EYS: variants seen among roughly 807,000 people sequenced by gnomAD.
EYS encodes EGF-like photoreceptor maintenance factor.
A neutral mutation model predicts 282.1 loss-of-function variants in EYS; 250 were observed. The observed-to-expected ratio is 0.89, with a 90% CI of 0.80 to 0.98. The LOEUF (loss-of-function observed/expected upper bound fraction) is 0.98. EYS is among the 50% of genes least tolerant of loss of function. The pLI is 0.00. For missense variants in EYS, 4,016 were observed against 3,709.0 expected (o/e 1.08, Z -2.15); for synonymous variants, 1,355 against 1,282.9 (o/e 1.06, Z -1.20).
At chr6:65,611,248 G>A (rs1765988638) in intron 2 of EYS, among the ~76,000 whole-genome samples, 1 of 150,464 alleles carries the variant, frequency 6.6e-6, no homozygotes, top group South Asian at 2.1e-4. Flanking sequence ...CACTGATTAT[G>A]ATGAAGAACT....
At chr6:65,572,638 G>A (rs933758276) in intron 2 of EYS, among the ~76,000 whole-genome samples, 1 of 152,080 alleles carries the variant, frequency 6.6e-6, no homozygotes. Flanking sequence ...AGCAACAGGC[G>A]ATACCATGTA....
rs114199343 is a variant in EYS at position 64,693,723 on chromosome 6, G to T, written c.3444-67478C>A. ...TCTTGAGGGTTGGGAACGTTCTTAGGTCACAAATAGCGTAGCCATTAATTT... is the reference window on the plus strand; with the variant it reads ...TCTTGAGGGTTGGGAACGTTCTTAGTTCACAAATAGCGTAGCCATTAATTT... On this transcript the variant is annotated intron_variant, in intron 22 of 42. Coordinates refer to ENST00000503581, the MANE Select transcript of EYS (RefSeq NM_001142800.2). 7.0e-3 allele frequency among the ~76,000 whole-genome samples: 1,059 copies of T among 152,086 alleles called. 4 individuals carry two copies. The highest frequency in any genetic ancestry group is 9.3e-3 in the Non-Finnish European group (629 of 67,990).
intron 22 of EYS, among the ~76,000 whole-genome samples, chr6:64,764,617 T>C (rs1327617150): frequency 6.6e-6 from 1 of 152,238 alleles, no homozygotes; most frequent in Non-Finnish European, 1.5e-5. Context: ...TTTGCCCATC[T>C]TTACTTATGC....
rs1554157087 is a variant in EYS, at chr6:65,123,758, C to CACACACACACA, written c.2024-66032_2024-66031insTGTGTGTGTGT. Among the ~76,000 whole-genome samples the CACACACACACA allele has an allele frequency of 5.4e-5, 8 of 147,098 alleles. No individual in the cohort carries two copies. The East Asian group carries it at 8.0e-4, about 15-fold the overall frequency. On this transcript the variant is annotated intron_variant, in intron 12 of 42. Coordinates refer to ENST00000503581, the MANE Select transcript of EYS (RefSeq NM_001142800.2). ...CAGCTGACTTATAACACCCACCCAC[C>CACACACACACA]CACACACACACACACACACACACAC...
At chr6:64,210,671 A>T (rs1371419187) in intron 31 of EYS, among the ~76,000 whole-genome samples, 1 of 152,186 alleles carries the variant, frequency 6.6e-6, no homozygotes, top group Non-Finnish European at 1.5e-5. Flanking sequence ...TTCAAGATTG[A>T]TATTTCATAT....
chr6:65,394,273 T>C (rs1766178918), intron 7 of EYS, among the ~76,000 whole-genome samples: 1 of 152,040 alleles, frequency 6.6e-6, no homozygotes, highest in South Asian at 2.1e-4. Flanking sequence ...ATTAATAATG[T>C]AGTTCATGAT....
intron 40 of EYS, among the ~76,000 whole-genome samples, chr6:63,766,512 C>T (rs1769792257): frequency 6.6e-6 from 1 of 151,986 alleles, no homozygotes; most frequent in African/African-American, 2.4e-5. Context: ...AGGAAAATTG[C>T]TGTGGGGATG....
chr6:64,334,063 A>G (rs913312182), intron 29 of EYS, among the ~76,000 whole-genome samples: 2 of 152,232 alleles, frequency 1.3e-5, no homozygotes, highest in Non-Finnish European at 2.9e-5. Flanking sequence ...GGTAGGGGAA[A>G]CAACTTGCCT....
At chr6:65,201,720 T>C (rs1329773923) in intron 12 of EYS, among the ~76,000 whole-genome samples, 1 of 152,150 alleles carries the variant, frequency 6.6e-6, no homozygotes, top group Non-Finnish European at 1.5e-5. Context: ...CTATAACTAT[T>C]TCAAAGCAAT....
At chr6:64,055,038 C>A (rs890895792) in intron 33 of EYS, among the ~76,000 whole-genome samples, 6 of 152,158 alleles carry the variant, frequency 3.9e-5, no homozygotes, top group African/African-American at 1.4e-4. Context: ...AACAGATCTG[C>A]TTACTGTAGT....
At chr6:64,184,493 C>T (rs550626598) in intron 31 of EYS, among the ~76,000 whole-genome samples, 49 of 152,238 alleles carry the variant, frequency 3.2e-4, no homozygotes, top group African/African-American at 1.1e-3. Flanking sequence ...CTGAGCTCCT[C>T]CATAAAGCCA....
At chr6:63,734,659 CTA>C (rs1768865371) in intron 41 of EYS, among the ~76,000 whole-genome samples, 1 of 152,104 alleles carries the variant, frequency 6.6e-6, no homozygotes. Context: ...TCAAGGGTAA[CTA>C]TGGGGTTTTT....
Position 63,724,413 on chromosome 6 carries a change from T to C in EYS, c.8233+2106A>G, listed in dbSNP as rs535110734. Among the ~76,000 whole-genome samples, 15 of 141,340 alleles carry C rather than the reference T, an allele frequency of 1.1e-4. No homozygotes were observed. The South Asian group carries it at 3.1e-3, about 29-fold the overall frequency. 92.7% of individuals were successfully genotyped at this position (141,340 alleles called of 152,430 possible). A position where few individuals can be genotyped will look rare whatever the true frequency, so the allele number is the denominator to read the frequency against. Reference sequence around the variant, plus strand: ...AAAGGAAAGCAATGGTAATTTAAACTTATTTATATATTTTTAATATAGTTT... The same window carrying C: ...AAAGGAAAGCAATGGTAATTTAAACCTATTTATATATTTTTAATATAGTTT... On this transcript the variant is annotated intron_variant, in intron 42 of 42. Transcript: ENST00000503581.
In EYS at chr6:65,690,471, G is replaced by A. The variant is rs931714525; in HGVS notation, c.-448+16664C>T. ...GAGCTATGAACATCTGCTTTTCTGG[G>A]ATAGGAATCTTGGTGATGTGAAACC... On this transcript the variant is annotated intron_variant, in intron 1 of 42. Transcript: ENST00000503581. 6.9e-4 allele frequency among the ~76,000 whole-genome samples: 103 copies of A among 149,966 alleles called. 1 individual carries two copies. Among genetic ancestry groups the A allele is most frequent in the African/African-American group, 2.4e-3 (98 of 41,236 alleles).
intron 31 of EYS, among the ~76,000 whole-genome samples, chr6:64,227,934 T>G (rs1041778783): frequency 6.6e-6 from 1 of 152,056 alleles, no homozygotes; most frequent in African/African-American, 2.4e-5. Flanking sequence ...AAAGCAAGGT[T>G]TTTACCAGGC....
chr6:65,574,017 A>G (rs553845778), intron 2 of EYS, among the ~76,000 whole-genome samples: 1 of 152,206 alleles, frequency 6.6e-6, no homozygotes, highest in South Asian at 2.1e-4. Context: ...CTAGTTCACA[A>G]TCATCCATGC....
intron 12 of EYS, among the ~76,000 whole-genome samples, chr6:65,115,896 A>T (rs1775356005): frequency 6.6e-6 from 1 of 152,092 alleles, no homozygotes; most frequent in African/African-American, 2.4e-5. Context: ...TTCCAACATT[A>T]TACTTCATAA....
chr6:65,636,842 T>C (rs1047080104), intron 2 of EYS, among the ~76,000 whole-genome samples: 6 of 152,200 alleles, frequency 3.9e-5, no homozygotes, highest in Non-Finnish European at 8.8e-5. Flanking sequence ...GGATCTCAAT[T>C]CTGTCACCCA....
chr6:64,451,649 A>G (rs1490318109), intron 26 of EYS, among the ~76,000 whole-genome samples: 1 of 152,200 alleles, frequency 6.6e-6, no homozygotes, highest in Non-Finnish European at 1.5e-5. Context: ...CACATCAAAA[A>G]GCTTATCCAC....
Sources: allele counts gnomAD v4.1 joint callset (sites outside exome capture counted in the v4.1 genomes callset), GRCh38; gene constraint gnomAD v4.1.1; transcripts MANE v1.5; gene names NCBI Gene and HGNC (gene_info 2026-07-23, HGNC 2026-07-21).